SAMD5: variants seen among roughly 807,000 people sequenced by gnomAD.
SAMD5 encodes sterile alpha motif domain-containing protein 5.
Under a neutral mutation model 11.3 loss-of-function variants are expected in SAMD5, and 13 were observed. The ratio of observed to expected loss-of-function variants is 1.15; its 90% CI spans 0.75 to 1.83. The LOEUF is 1.83. Ranked by LOEUF, SAMD5 falls within the 40% of genes most tolerant of loss-of-function variation. The pLI is 0.00. For missense variants in SAMD5, 255 were observed against 239.1 expected, an observed-to-expected ratio of 1.07 and a Z score of -0.44; for synonymous variants, 129 against 111.3, an observed-to-expected ratio of 1.16 and a Z score of -1.00.
At chr6:147,517,474 T>C (rs1217659286) in intron 1 of SAMD5, among the ~76,000 whole-genome samples, 1 of 152,200 alleles carries the variant, frequency 6.6e-6, no homozygotes, top group Non-Finnish European at 1.5e-5. Context: ...CTGACCCAGA[T>C]CTTATTCCTA....
chr6:147,772,597 G>A, the SAMD5 span, among the ~76,000 whole-genome samples: 1 of 152,092 alleles, frequency 6.6e-6, no homozygotes, highest in Non-Finnish European at 1.5e-5. Flanking sequence ...GACCATAAGG[G>A]AAAGATCTGT....
chr6:147,889,822 G>T, the SAMD5 span, among the ~76,000 whole-genome samples: 1 of 152,166 alleles, frequency 6.6e-6, no homozygotes, highest in African/African-American at 2.4e-5. Flanking sequence ...AGTTTCCTCA[G>T]ACATATGCGT....
the SAMD5 span, among the ~76,000 whole-genome samples, chr6:147,909,385 C>A: frequency 6.6e-6 from 1 of 152,174 alleles, no homozygotes; most frequent in East Asian, 1.9e-4. Flanking sequence ...TGGTATTACA[C>A]ACCTTTGAAA....
chr6:147,514,292 G>T (rs777833966), intron 1 of SAMD5, among the ~76,000 whole-genome samples: 1 of 152,004 alleles, frequency 6.6e-6, no homozygotes, highest in Non-Finnish European at 1.5e-5. Context: ...CTTTAGAGGT[G>T]TTACACCAAA....
the SAMD5 span, among the ~76,000 whole-genome samples, chr6:147,766,568 C>A: frequency 6.6e-6 from 1 of 152,114 alleles, no homozygotes; most frequent in African/African-American, 2.4e-5. Context: ...GTTTTATGCC[C>A]AGGCATAGTA....
chr6:147,588,470 C>T (rs1265230565), intron 1 of SAMD5, among the ~76,000 whole-genome samples: 1 of 151,818 alleles, frequency 6.6e-6, no homozygotes, highest in African/African-American at 2.4e-5. Flanking sequence ...ACTACAGACG[C>T]ACACCACGGT....
the SAMD5 span, among the ~76,000 whole-genome samples, chr6:147,900,287 G>A: frequency 6.6e-6 from 1 of 152,320 alleles, no homozygotes. Context: ...ATGAAGCAGA[G>A]ATGATGATCA....
At chr6:147,599,032 G>C (rs1789577472) in intron 1 of SAMD5, among the ~76,000 whole-genome samples, 1 of 152,222 alleles carries the variant, frequency 6.6e-6, no homozygotes, top group African/African-American at 2.4e-5. Flanking sequence ...CATGTGGTCA[G>C]TGGAGCAGGA....
chr6:147,522,711 G>A (rs1788273078), intron 1 of SAMD5, among the ~76,000 whole-genome samples: 1 of 152,072 alleles, frequency 6.6e-6, no homozygotes, highest in Admixed American at 6.6e-5. Context: ...CACTTCAATG[G>A]TTGTTGTCAT....
chr6:147,890,356 A>G, the SAMD5 span, among the ~76,000 whole-genome samples: 2 of 148,084 alleles, frequency 1.4e-5, no homozygotes, highest in Non-Finnish European at 2.9e-5. Flanking sequence ...AATTTTTTCA[A>G]TTATCTTTTT....
At chr6:147,626,459 GC>G (rs77133799) in intron 1 of SAMD5, among the ~76,000 whole-genome samples, 2 of 149,210 alleles carry the variant, frequency 1.3e-5, no homozygotes, top group East Asian at 4.0e-4. Flanking sequence ...GTAAATAATT[GC>G]CCCCATCCCC....
the SAMD5 span, among the ~76,000 whole-genome samples, chr6:147,781,784 A>G: frequency 6.3e-4 from 89 of 140,994 alleles, no homozygotes; most frequent in African/African-American, 1.9e-3. Flanking sequence ...ACACACACAC[A>G]CACACACACA....
intron 1 of SAMD5, among the ~76,000 whole-genome samples, chr6:147,610,730 A>T (rs1583105396): frequency 6.6e-6 from 1 of 151,732 alleles, no homozygotes; most frequent in Admixed American, 6.7e-5. Context: ...TCTGGCCCTC[A>T]TTGTTGCAGT....
At chr6:147,676,309 A>C (rs1177661074) in intron 1 of SAMD5, among the ~76,000 whole-genome samples, 2 of 152,118 alleles carry the variant, frequency 1.3e-5, no homozygotes, top group Non-Finnish European at 2.9e-5. Flanking sequence ...AGCAATGAAC[A>C]CTGATCTTGC....
chr6:147,938,906 G>A, the SAMD5 span, among the ~76,000 whole-genome samples: 1 of 149,642 alleles, frequency 6.7e-6, no homozygotes, highest in African/African-American at 2.5e-5. Flanking sequence ...TTATAATTCA[G>A]TTCTCACATG....
intron 1 of SAMD5, among the ~76,000 whole-genome samples, chr6:147,691,847 G>A (rs1353615528): frequency 6.6e-6 from 1 of 152,078 alleles, no homozygotes; most frequent in Non-Finnish European, 1.5e-5. Context: ...AGATATTTAA[G>A]TACTACATAA....
chr6:147,542,100 C>T (rs1191599847), intron 1 of SAMD5, among the ~76,000 whole-genome samples: 1 of 152,216 alleles, frequency 6.6e-6, no homozygotes, highest in Non-Finnish European at 1.5e-5. Flanking sequence ...GACAGATACC[C>T]TGTCATAGGG....
the SAMD5 span, among the ~76,000 whole-genome samples, chr6:147,859,424 T>C: frequency 6.6e-6 from 1 of 152,222 alleles, no homozygotes; most frequent in Non-Finnish European, 1.5e-5. Flanking sequence ...GTGTCTAGCA[T>C]AGCCCTGTTA....
chr6:147,653,833 C>T (rs1790528163), intron 1 of SAMD5, among the ~76,000 whole-genome samples: 1 of 152,082 alleles, frequency 6.6e-6, no homozygotes, highest in African/African-American at 2.4e-5. Flanking sequence ...TTGGTGAGCT[C>T]TTTATCCATG....
Sources: gnomAD v4.1 joint callset for allele counts (sites outside exome capture counted in the v4.1 genomes callset) on GRCh38, gnomAD v4.1.1 for gene constraint, MANE v1.5 for transcripts, NCBI Gene and HGNC (gene_info 2026-07-23, HGNC 2026-07-21) for gene names.